Variants in OPCML observed in about 807,000 individuals in gnomAD.
OPCML encodes opioid binding protein/cell adhesion molecule like, also known as opioid-binding protein/cell adhesion molecule.
OPCML carries 13 observed loss-of-function variants against 37.8 expected under a neutral mutation model. The ratio of observed to expected loss-of-function variants is 0.34; its 90% CI spans 0.22 to 0.55. OPCML has a LOEUF of 0.55. OPCML is among the 20% of genes least tolerant of loss of function. The pLI is 0.91. For missense variants in OPCML, 341 were observed against 435.6 expected (o/e 0.78, Z 1.93); for synonymous variants, 176 against 168.8 (o/e 1.04, Z -0.33).
intron 1 of OPCML, among the ~76,000 whole-genome samples, chr11:132,949,743 C>T (rs1048538504): frequency 6.6e-6 from 1 of 152,156 alleles, no homozygotes; most frequent in African/African-American, 2.4e-5. Flanking sequence ...ATGTTGGACA[C>T]TGTTCTAGGG....
At chr11:133,117,819 G>T in intron 1 of OPCML, 3 of 984,602 alleles carry the variant, frequency 3.0e-6, no homozygotes, top group Non-Finnish European at 3.6e-6. Flanking sequence ...CTCTAACTCT[G>T]GAATAATTAC....
chr11:132,661,770 G>T (rs1422344357), intron 2 of OPCML, among the ~76,000 whole-genome samples: 3 of 152,172 alleles, frequency 2.0e-5, no homozygotes, highest in Non-Finnish European at 2.9e-5. Flanking sequence ...ATTATATATT[G>T]CTTGTACTGC....
intron 1 of OPCML, among the ~76,000 whole-genome samples, chr11:133,281,012 T>G (rs959224545): frequency 6.6e-6 from 1 of 151,718 alleles, no homozygotes; most frequent in Non-Finnish European, 1.5e-5. Context: ...AGCTCAAGAG[T>G]TTCAACAGAG....
chr11:133,131,553 T>C (rs1949604018), intron 1 of OPCML, among the ~76,000 whole-genome samples: 1 of 152,152 alleles, frequency 6.6e-6, no homozygotes, highest in Admixed American at 6.5e-5. Context: ...GAACTCTCAA[T>C]CATTGCTGGT....
At chr11:133,156,277 C>A (rs1372514646) in intron 1 of OPCML, among the ~76,000 whole-genome samples, 1 of 152,196 alleles carries the variant, frequency 6.6e-6, no homozygotes, top group Non-Finnish European at 1.5e-5. Flanking sequence ...GGACCCTTCA[C>A]CCTGCCTATC....
At chr11:132,734,994 A>C (rs2136020580) in intron 2 of OPCML, among the ~76,000 whole-genome samples, 1 of 152,324 alleles carries the variant, frequency 6.6e-6, no homozygotes, top group East Asian at 1.9e-4. Context: ...AAAGTACAAA[A>C]TCTATCTAAC....
intron 1 of OPCML, among the ~76,000 whole-genome samples, chr11:133,194,440 C>A (rs1248040946): frequency 6.6e-6 from 1 of 152,052 alleles, no homozygotes; most frequent in Non-Finnish European, 1.5e-5. Context: ...GAATTCCTGA[C>A]CCCATGTGAT....
intron 1 of OPCML, among the ~76,000 whole-genome samples, chr11:133,020,627 GA>G (rs895586422): frequency 7.9e-5 from 12 of 152,122 alleles, no homozygotes; most frequent in African/African-American, 2.2e-4. Flanking sequence ...CAGGATTAGA[GA>G]AAAAGTGAGT....
At chr11:133,062,170 C>G (rs1315189748) in intron 1 of OPCML, among the ~76,000 whole-genome samples, 3 of 152,170 alleles carry the variant, frequency 2.0e-5, no homozygotes, top group African/African-American at 4.8e-5. Flanking sequence ...GGGAGGAAAG[C>G]ACAGGAGCAG....
intron 2 of OPCML, among the ~76,000 whole-genome samples, chr11:132,805,640 G>A (rs1217611385): frequency 6.6e-6 from 1 of 152,178 alleles, no homozygotes; most frequent in Admixed American, 6.5e-5. Flanking sequence ...TAGAAAGAAA[G>A]GGAAACAGTC....
At chr11:133,135,581 T>C (rs181827393) in intron 1 of OPCML, among the ~76,000 whole-genome samples, 15 of 152,192 alleles carry the variant, frequency 9.9e-5, no homozygotes, top group East Asian at 1.9e-4. Context: ...CAATCTCCCA[T>C]AGATATTTAT....
intron 1 of OPCML, among the ~76,000 whole-genome samples, chr11:133,372,561 T>C (rs946170208): frequency 1.3e-5 from 2 of 152,230 alleles, no homozygotes; most frequent in Non-Finnish European, 2.9e-5. Flanking sequence ...TTCTCATTTA[T>C]CAAATGGGGA....
intron 2 of OPCML, among the ~76,000 whole-genome samples, chr11:132,768,547 G>A (rs1421807462): frequency 6.6e-6 from 1 of 152,214 alleles, no homozygotes; most frequent in African/African-American, 2.4e-5. Context: ...TATTTAAACT[G>A]GGAAACAATT....
At chr11:133,241,681 T>A (rs1427987167) in intron 1 of OPCML, among the ~76,000 whole-genome samples, 1 of 152,208 alleles carries the variant, frequency 6.6e-6, no homozygotes, top group Non-Finnish European at 1.5e-5. Flanking sequence ...TCCCTCCTAA[T>A]GTAAGGATTC....
chr11:132,964,532 A>C (rs1179716283), intron 1 of OPCML, among the ~76,000 whole-genome samples: 1 of 152,200 alleles, frequency 6.6e-6, no homozygotes, highest in Middle Eastern at 3.2e-3. Flanking sequence ...AAGTGATTGC[A>C]TGAGAGAGTA....
At chr11:133,433,062 A>G (rs957248663) in intron 1 of OPCML, among the ~76,000 whole-genome samples, 1 of 152,110 alleles carries the variant, frequency 6.6e-6, no homozygotes, top group African/African-American at 2.4e-5. Context: ...CACAGCTGGA[A>G]CTAATCTGTT....
chr11:133,298,722 C>G (rs1490279428), intron 1 of OPCML: 3 of 152,186 alleles, frequency 2.0e-5, no homozygotes. Flanking sequence ...CAACAACGTA[C>G]TAGACACTTT....
intron 1 of OPCML, among the ~76,000 whole-genome samples, chr11:133,059,824 A>G (rs1178525529): frequency 6.6e-6 from 1 of 152,198 alleles, no homozygotes; most frequent in Non-Finnish European, 1.5e-5. Flanking sequence ...CTTGGCAGCC[A>G]TTTTCTCAAA....
At chr11:132,990,053 G>A (rs1436615446) in intron 1 of OPCML, among the ~76,000 whole-genome samples, 1 of 152,204 alleles carries the variant, frequency 6.6e-6, no homozygotes, top group Non-Finnish European at 1.5e-5. Flanking sequence ...AGAGGAGCAT[G>A]CCACCCTGCG....
Sources: gnomAD v4.1 joint callset for allele counts (sites outside exome capture counted in the v4.1 genomes callset) on GRCh38, gnomAD v4.1.1 for gene constraint, MANE v1.5 for transcripts, NCBI Gene and HGNC (gene_info 2026-07-23, HGNC 2026-07-21) for gene names.